The following PDIA5 variants were observed in gnomAD, a reference collection of about 807,000 sequenced individuals.
PDIA5 encodes the protein protein disulfide isomerase family A member 5.
In PDIA5, 58 loss-of-function variants were observed where a neutral mutation model predicts 77.6. The observed-to-expected ratio is 0.75, with a 90% CI of 0.61 to 0.93. The LOEUF is 0.93. Ranked by LOEUF, PDIA5 falls within the 40% of genes least tolerant of loss-of-function variation. The pLI, the probability that PDIA5 is intolerant of heterozygous loss-of-function variation, is 0.00. For synonymous variants in PDIA5, 250 were observed against 252.1 expected (o/e 0.99, Z 0.08); for missense variants, 630 against 647.7 (o/e 0.97, Z 0.30).
At chr3:123,156,406 T>C (rs1936020678) in intron 15 of PDIA5, among the ~76,000 whole-genome samples, 1 of 152,154 alleles carries the variant, frequency 6.6e-6, no homozygotes, top group Admixed American at 6.5e-5. Context: ...CCTGCCCCTT[T>C]CCCTGCACTG....
intron 2 of PDIA5, among the ~76,000 whole-genome samples, chr3:123,091,214 C>A (rs144610733): frequency 7.8e-4 from 119 of 152,204 alleles, no homozygotes; most frequent in African/African-American, 2.8e-3. Flanking sequence ...GTCTCTTGAG[C>A]GATACTTTTG....
At chr3:123,087,512 T>C (rs914518617) in intron 1 of PDIA5, among the ~76,000 whole-genome samples, 10 of 152,052 alleles carry the variant, frequency 6.6e-5, no homozygotes, top group African/African-American at 1.9e-4. Context: ...ATTATTTCTG[T>C]GATAGTTTTA....
chr3:123,139,584 T>C (rs1490062539), intron 11 of PDIA5, among the ~76,000 whole-genome samples: 1 of 152,140 alleles, frequency 6.6e-6, no homozygotes, highest in African/African-American at 2.4e-5. Flanking sequence ...GGGAGACACT[T>C]TTCTCCTAGT....
intron 14 of PDIA5, among the ~76,000 whole-genome samples, chr3:123,152,926 G>A (rs1935944698): frequency 6.6e-6 from 1 of 151,724 alleles, no homozygotes; most frequent in Non-Finnish European, 1.5e-5. Context: ...TCCCCACTCT[G>A]GGAGGCGTCT....
rs1467418563 is a variant in PDIA5 at position 123,146,264 on chromosome 3, G to A, written c.1142+5G>A. ...GTTTCTCGAGTGGATGCAAAAGTAA[G>A]TGTTACGATCTCAGTAGCACATCCT... On this transcript the variant is annotated splice_donor_5th_base_variant and intron_variant, in intron 13 of 16. Transcript: ENST00000316218. The A allele has an allele frequency of 6.2e-7, 1 of 1,613,362 alleles. No individual in the cohort carries two copies. The highest frequency in any genetic ancestry group is 1.1e-5 in the South Asian group (1 of 90,934).
intron 1 of PDIA5, among the ~76,000 whole-genome samples, chr3:123,070,089 CAA>C (rs771690653): frequency 3.0e-4 from 22 of 72,332 alleles, no homozygotes; most frequent in Admixed American, 8.2e-4. Flanking sequence ...GACTCCATCT[CAA>C]AAAAAAAAAA....
intron 11 of PDIA5, among the ~76,000 whole-genome samples, chr3:123,141,665 G>A (rs987264923): frequency 6.6e-6 from 1 of 152,230 alleles, no homozygotes; most frequent in Non-Finnish European, 1.5e-5. Flanking sequence ...TGCCCCCGGG[G>A]CAGGGAGATC....
intron 3 of PDIA5, among the ~76,000 whole-genome samples, chr3:123,092,761 G>A (rs998353235): frequency 5.9e-5 from 9 of 152,098 alleles, no homozygotes; most frequent in Admixed American, 5.9e-4. Flanking sequence ...CTTACAGAGG[G>A]TGGCCTTGAT....
intron 2 of PDIA5, among the ~76,000 whole-genome samples, chr3:123,090,605 C>CT (rs779339846): frequency 8.7e-4 from 132 of 152,194 alleles, no homozygotes; most frequent in Non-Finnish European, 1.7e-3. Flanking sequence ...GCCCCGCTGT[C>CT]TCTCATTTTC....
intron 11 of PDIA5, among the ~76,000 whole-genome samples, chr3:123,133,521 T>G (rs941304318): frequency 6.6e-6 from 1 of 152,228 alleles, no homozygotes; most frequent in African/African-American, 2.4e-5. Context: ...TATCAAGACA[T>G]TTGACAAAAT....
intron 8 of PDIA5, 43 bp downstream of exon 8, chr3:123,116,341 G>C (rs1361136938): frequency 5.2e-6 from 8 of 1,531,700 alleles, no homozygotes; most frequent in Non-Finnish European, 5.4e-6. Context: ...GTCACTCTTG[G>C]ACTTGGCGGA....
At chr3:123,158,662 C>G (rs1936076504) in intron 15 of PDIA5, among the ~76,000 whole-genome samples, 1 of 152,170 alleles carries the variant, frequency 6.6e-6, no homozygotes, top group African/African-American at 2.4e-5. Context: ...CTCCTTGAGG[C>G]TGGGAGGATG....
At chr3:123,120,202 G>A (rs1053784323) in intron 8 of PDIA5, among the ~76,000 whole-genome samples, 3 of 152,182 alleles carry the variant, frequency 2.0e-5, no homozygotes, top group Non-Finnish European at 2.9e-5. Flanking sequence ...GCCAGTCTGG[G>A]TATAAACACC....
intron 6 of PDIA5, 30 bp from the exon 7 acceptor site, chr3:123,110,914 A>G: frequency 6.3e-7 from 1 of 1,587,404 alleles, no homozygotes; most frequent in Non-Finnish European, 8.7e-7. Context: ...GTTGTGTGCG[A>G]GCTGCTGGTA....
intron 10 of PDIA5, among the ~76,000 whole-genome samples, chr3:123,128,801 C>T (rs1305455081): frequency 6.6e-6 from 1 of 152,210 alleles, no homozygotes; most frequent in Non-Finnish European, 1.5e-5. Flanking sequence ...CTTATCCTCC[C>T]TCCTATACCC....
intron 11 of PDIA5, among the ~76,000 whole-genome samples, chr3:123,137,125 CA>C (rs1255795171): frequency 6.6e-6 from 1 of 152,168 alleles, no homozygotes; most frequent in Non-Finnish European, 1.5e-5. Flanking sequence ...CAGATGCTAC[CA>C]AATTGCCCTA....
intron 10 of PDIA5, among the ~76,000 whole-genome samples, chr3:123,130,219 C>T (rs555265737): frequency 6.6e-6 from 1 of 152,252 alleles, no homozygotes; most frequent in African/African-American, 2.4e-5. Context: ...ATCTAGAGAG[C>T]TGTAGCCAGA....
chr3:123,106,972 G>T (rs1427500103), intron 6 of PDIA5, 131 bp downstream of exon 6: 1 of 679,484 alleles, frequency 1.5e-6, no homozygotes, highest in African/African-American at 1.8e-5. Context: ...CTCTAGGGAA[G>T]CTAGGCCAGG....
intron 5 of PDIA5, among the ~76,000 whole-genome samples, chr3:123,104,274 A>G (rs1226896951): frequency 6.6e-6 from 1 of 152,134 alleles, no homozygotes; most frequent in Non-Finnish European, 1.5e-5. Context: ...CAGCATCCCC[A>G]AGCAGGACTG....
Sources: allele counts gnomAD v4.1 joint callset (sites outside exome capture counted in the v4.1 genomes callset), GRCh38; gene constraint gnomAD v4.1.1; transcripts MANE v1.5; gene names NCBI Gene and HGNC (gene_info 2026-07-23, HGNC 2026-07-21).